EIF4G3: variants seen among roughly 807,000 people sequenced by gnomAD.
The protein encoded by EIF4G3 is eIF-4-gamma 3.
In EIF4G3, 34 loss-of-function variants were observed where a neutral mutation model predicts 186.4. The observed-to-expected ratio is 0.18, with a 90% CI of 0.14 to 0.24. The LOEUF (loss-of-function observed/expected upper bound fraction) is 0.24, where lower values mean the gene tolerates loss of function less well. Ranked by LOEUF, EIF4G3 falls within the 10% of genes least tolerant of loss-of-function variation. The pLI is 1.00. For missense variants in EIF4G3, 1,536 were observed against 1,948.5 expected, an observed-to-expected ratio of 0.79 and a Z score of 3.99; for synonymous variants, 673 against 679.5, an observed-to-expected ratio of 0.99 and a Z score of 0.15.
At chr1:20,903,045 T>A (rs57351360) in intron 15 of EIF4G3, among the ~76,000 whole-genome samples, 50,145 of 152,226 alleles carry the variant, frequency 0.33, 8,860 homozygotes, top group Non-Finnish European at 0.39. Context: ...TAGCAAACTC[T>A]GGCCCGAGGG....
rs200817994 is a variant in EIF4G3 at position 21,136,999 on chromosome 1, TTAA to T, written c.-272+39173_-272+39175del. On this transcript the variant is annotated intron_variant, in intron 2 of 36. Coordinates refer to ENST00000602326, the MANE Select transcript of EIF4G3 (RefSeq NM_001391906.1). The stretch of plus-strand genomic sequence containing the variant: ...TCACTAATAATTTTTATATGATGTC[TTAA>T]TAATATTTTTATATATTGAGTCAAA... 6.0e-3 allele frequency among the ~76,000 whole-genome samples: 921 copies of T among 152,314 alleles called. 8 individuals are homozygous for T. Among genetic ancestry groups the T allele is most frequent in the African/African-American group, 0.019 (801 of 41,566 alleles).
rs149703984 is a variant in EIF4G3 at position 20,998,430 on chromosome 1, T to G, written c.145-797A>C. The stretch of plus-strand genomic sequence containing the variant: ...TACTATAGACAACAGCAAAGCACTG[T>G]GTATATGTACCTATTGTTACCTAAG... On this transcript the variant is annotated intron_variant, in intron 6 of 36. Transcript: ENST00000602326. Among the ~76,000 whole-genome samples the G allele has an allele frequency of 1.8e-3, 269 of 152,264 alleles. 1 individual carries two copies. Among genetic ancestry groups the G allele is most frequent in the African/African-American group, 6.0e-3 (251 of 41,562 alleles).
At chr1:20,954,656 G>C (rs143725219) in intron 12 of EIF4G3, among the ~76,000 whole-genome samples, 1 of 151,996 alleles carries the variant, frequency 6.6e-6, no homozygotes, top group Non-Finnish European at 1.5e-5. Flanking sequence ...CATTAGAACG[G>C]TGTGTGTCAA....
chr1:21,122,685 T>C (rs1310232228), intron 2 of EIF4G3, among the ~76,000 whole-genome samples: 2 of 152,328 alleles, frequency 1.3e-5, no homozygotes, highest in South Asian at 2.1e-4. Flanking sequence ...TCAATTATTA[T>C]AGCCCAAACC....
chr1:20,830,936 G>A (rs1423834908), intron 30 of EIF4G3, among the ~76,000 whole-genome samples: 1 of 152,136 alleles, frequency 6.6e-6, no homozygotes, highest in African/African-American at 2.4e-5. Context: ...GAAGCACCTA[G>A]GTAATAACTG....
chr1:20,989,042 AGAGAGGAGAGGAGAGGAGGGGAGGG>A (rs2080260707), intron 7 of EIF4G3, among the ~76,000 whole-genome samples: 1 of 37,902 alleles, frequency 2.6e-5, no homozygotes, highest in Non-Finnish European at 4.8e-5. Context: ...TCCCCCAAAA[AGAGAGGAGAGGAGAGGAGGGGAGGG>A]GAGGGGAGGG....
rs768520343 is a variant in EIF4G3, at chr1:20,854,963, GAC to G, written c.3433+13_3433+14del. Reference sequence around the variant, plus strand: ...CAAGCCACAGCCAGGTTTGAGAAGGGACACACACACTTACCAGTCTCACTTGC... The same window carrying G: ...CAAGCCACAGCCAGGTTTGAGAAGGGACACACACTTACCAGTCTCACTTGC... On this transcript the variant is annotated intron_variant, in intron 26 of 36. Coordinates refer to ENST00000602326, the MANE Select transcript of EIF4G3 (RefSeq NM_001391906.1). 10 of 1,606,638 alleles carry G rather than the reference GAC, an allele frequency of 6.2e-6. No individual in the cohort carries two copies. In the African/African-American group the frequency reaches 1.3e-4, roughly 22 times the overall value.
At chr1:20,918,390 G>A (rs1267333872) in intron 14 of EIF4G3, among the ~76,000 whole-genome samples, 1 of 151,608 alleles carries the variant, frequency 6.6e-6, no homozygotes, top group Non-Finnish European at 1.5e-5. Flanking sequence ...TTGTTTTTTT[G>A]TACAGATGGG....
chr1:21,002,626 T>C lies in EIF4G3; in HGVS notation c.30+87A>G, dbSNP rs938847088. The C allele has an allele frequency of 6.4e-5, 87 of 1,363,702 alleles. No homozygotes were observed. The Middle Eastern group carries it at 1.1e-3, about 18-fold the overall frequency. The allele number at this position is 1,363,702 out of a possible 1,614,324, so 84.5% of individuals were successfully genotyped here. A position where few individuals can be genotyped will look rare whatever the true frequency, so the allele number is the denominator to read the frequency against. ...TTTGGAACAAACTTCCAAAATCCAG[T>C]AAAAATATTTGCCAAAGAAACCCAA... On this transcript the variant is annotated intron_variant, in intron 5 of 36. Coordinates refer to ENST00000602326, the MANE Select transcript of EIF4G3 (RefSeq NM_001391906.1).
At chr1:20,919,403 T>C (rs2094275492) in intron 14 of EIF4G3, among the ~76,000 whole-genome samples, 1 of 152,038 alleles carries the variant, frequency 6.6e-6, no homozygotes, top group Admixed American at 6.6e-5. Flanking sequence ...CAGGATTTCG[T>C]TATATTGTTC....
chr1:20,941,727 G>T lies in EIF4G3; in HGVS notation c.1427C>A (p.Thr476Asn), dbSNP rs773263848. ...TVPSFPPTPP[T>N]PPASPPHTPV... ...AGTGTGAGGAGGAGAAGCTGGAGGAGTTGGAGGAGTTGGAGGAAAGGAAGG... is the reference window on the plus strand; with the variant it reads ...AGTGTGAGGAGGAGAAGCTGGAGGATTTGGAGGAGTTGGAGGAAAGGAAGG... Residue 476 changes from threonine (T) to asparagine (N), a missense_variant, in exon 14 of 37, where the codon ACT becomes AAT. Physicochemically the swap from Thr to Asn is moderately conservative, Grantham distance 65. Transcript: ENST00000602326. The T allele has an allele frequency of 6.2e-7, 1 of 1,610,350 alleles. No homozygotes were observed. The highest frequency in any genetic ancestry group is 8.5e-7 in the Non-Finnish European group (1 of 1,178,092).
intron 14 of EIF4G3, chr1:20,941,156 T>C: frequency 7.0e-7 from 1 of 1,426,082 alleles, no homozygotes; most frequent in Non-Finnish European, 9.2e-7. Flanking sequence ...TTTTGTTTTC[T>C]AGCCCCAAAG....
intron 4 of EIF4G3, among the ~76,000 whole-genome samples, chr1:21,035,193 T>C (rs1358136361): frequency 2.0e-5 from 3 of 152,136 alleles, no homozygotes; most frequent in East Asian, 3.9e-4. Flanking sequence ...CTTCTGGCCG[T>C]GTCCTGGGAG....
At chr1:21,129,263 C>T (rs1224249321) in intron 2 of EIF4G3, among the ~76,000 whole-genome samples, 2 of 151,552 alleles carry the variant, frequency 1.3e-5, no homozygotes, top group Non-Finnish European at 2.9e-5. Flanking sequence ...TGCGGTAAGC[C>T]TAGATTGCAC....
At chr1:20,880,153 C>T (rs1425866822) in intron 19 of EIF4G3, among the ~76,000 whole-genome samples, 1 of 152,088 alleles carries the variant, frequency 6.6e-6, no homozygotes, top group African/African-American at 2.4e-5. Context: ...TGTTTCTTTT[C>T]ACCATTCCCA....
chr1:21,171,372 C>G (rs2097964712), intron 2 of EIF4G3, among the ~76,000 whole-genome samples: 1 of 152,168 alleles, frequency 6.6e-6, no homozygotes, highest in Admixed American at 6.6e-5. Flanking sequence ...TATCATCACC[C>G]AGAACAAGCC....
chr1:20,811,254 TTTCTTCTTC>T (rs35618300), intron 35 of EIF4G3, among the ~76,000 whole-genome samples: 4 of 150,806 alleles, frequency 2.7e-5, no homozygotes, highest in African/African-American at 9.7e-5. Context: ...GCTCCTGGCC[TTTCTTCTTC>T]TTCTTCTTCT....
At chr1:21,011,210 A>AAT (rs2086964389) in intron 4 of EIF4G3, among the ~76,000 whole-genome samples, 1 of 147,948 alleles carries the variant, frequency 6.8e-6, no homozygotes, top group Non-Finnish European at 1.5e-5. Flanking sequence ...ACTTTTTTTT[A>AAT]AAAAAAAAAA....
At chr1:20,956,427 T>C (rs992142962) in intron 12 of EIF4G3, among the ~76,000 whole-genome samples, 6 of 151,962 alleles carry the variant, frequency 3.9e-5, no homozygotes, top group African/African-American at 1.2e-4. Context: ...AGCAGAGAGA[T>C]GAGTGAGAAA....
Sources: gnomAD v4.1 joint callset for allele counts (sites outside exome capture counted in the v4.1 genomes callset) on GRCh38, gnomAD v4.1.1 for gene constraint, MANE v1.5 for transcripts, NCBI Gene and HGNC (gene_info 2026-07-23, HGNC 2026-07-21) for gene names.